The following LRRC75B variants were observed in gnomAD, a reference collection of about 807,000 sequenced individuals.
LRRC75B encodes the protein leucine-rich repeat-containing protein 75B.
Under a neutral mutation model 16.5 loss-of-function variants are expected in LRRC75B, and 20 were observed. That is an observed-to-expected ratio of 1.21 (90% CI 0.85 to 1.76). LRRC75B has a LOEUF of 1.76. Among genes scored for constraint, LRRC75B ranks in the 40% most tolerant of loss-of-function variants. The pLI is 0.00. For synonymous variants in LRRC75B, 199 were observed against 198.1 expected (o/e 1.00, Z -0.04); for missense variants, 406 against 417.0 (o/e 0.97, Z 0.23).
At chr22:24,592,317 G>A in intron 1 of LRRC75B, 2 of 470,166 alleles carry the variant, frequency 4.3e-6, no homozygotes, top group East Asian at 1.4e-4. Context: ...TTGGAGAACT[G>A]GTGATGCATG....
At chr22:24,592,414 C>T in intron 1 of LRRC75B, 1 of 470,700 alleles carries the variant, frequency 2.1e-6, no homozygotes, top group Admixed American at 2.4e-5. Context: ...GGTCCACTGT[C>T]TCCCGGATCC....
chr22:24,592,301 C>T (rs1021561237), intron 1 of LRRC75B: 17 of 468,850 alleles, frequency 3.6e-5, no homozygotes, highest in Admixed American at 7.1e-5. Context: ...GGGCATGAGC[C>T]GCCTGTTGGA....
chr22:24,590,307 T>A (rs1456091518), intron 1 of LRRC75B, among the ~76,000 whole-genome samples: 1 of 148,308 alleles, frequency 6.7e-6, no homozygotes, highest in South Asian at 2.1e-4. Context: ...AAAAAAAAAA[T>A]GTTTTGTAGA....
intron 2 of LRRC75B, chr22:24,589,061 A>G: frequency 9.7e-7 from 1 of 1,030,664 alleles, no homozygotes; most frequent in South Asian, 3.3e-5. Context: ...GCCGTGGGCT[A>G]GGCGCAGAGT....
chr22:24,586,637 T>TCC (rs2045403141), intron 3 of LRRC75B, among the ~76,000 whole-genome samples: 1 of 152,274 alleles, frequency 6.6e-6, no homozygotes, highest in Non-Finnish European at 1.5e-5. Flanking sequence ...ATTCAAGCGA[T>TCC]TCTCCTGCTT....
At chr22:24,588,497 G>C in intron 2 of LRRC75B, 168 bp from the exon 3 acceptor site, 1 of 754,000 alleles carries the variant, frequency 1.3e-6, no homozygotes, top group South Asian at 1.7e-5. Context: ...ACCCGGCTGT[G>C]GCCTGGCACA....
chr22:24,586,506 A>G (rs2045397917), intron 3 of LRRC75B, 95 bp from the exon 4 acceptor site: 1 of 1,264,808 alleles, frequency 7.9e-7, no homozygotes. Flanking sequence ...CCAGGCCTAC[A>G]GTCTGGCAAA....
chr22:24,591,442 T>C (rs2147170938), intron 1 of LRRC75B, among the ~76,000 whole-genome samples: 1 of 152,334 alleles, frequency 6.6e-6, no homozygotes, highest in South Asian at 2.1e-4. Context: ...GAGGGGCCTC[T>C]AGACCCCATG....
chr22:24,587,748 A>G (rs2045440610), intron 3 of LRRC75B, among the ~76,000 whole-genome samples: 1 of 152,222 alleles, frequency 6.6e-6, no homozygotes, highest in African/African-American at 2.4e-5. Context: ...AGAATTCCCA[A>G]CAAGGTACAG....
intron 3 of LRRC75B, among the ~76,000 whole-genome samples, chr22:24,586,942 G>A (rs2045413064): frequency 6.6e-6 from 1 of 152,240 alleles, no homozygotes; most frequent in African/African-American, 2.4e-5. Context: ...CACACAGTAA[G>A]GCTCTTTCTT....
chr22:24,586,055 A>G lies in LRRC75B; in HGVS notation c.779T>C (p.Leu260Pro). Residue 260 changes from leucine (L) to proline (P), a missense_variant, in exon 4 of 4, where the codon CTG becomes CCG. Leu to Pro is a moderately conservative substitution (Grantham distance 98). Coordinates refer to ENST00000318753, the MANE Select transcript of LRRC75B (RefSeq NM_207644.3). The stretch of plus-strand genomic sequence containing the variant: ...GCTCAGCCGCCGGCGCAGGCCGACC[A>G]GCAGGGGCTGGGGCAGGGAAGCCAC... ...VDVASLPQPL[L>P]VGLRRRLSQR... 1 of 1,611,930 alleles carries G rather than the reference A, an allele frequency of 6.2e-7. No homozygotes were observed. Among genetic ancestry groups the G allele is most frequent in the Non-Finnish European group, 8.5e-7 (1 of 1,179,926 alleles).
chr22:24,586,467 A>G (rs2045397080), intron 3 of LRRC75B, 56 bp from the exon 4 acceptor site: 2 of 1,539,666 alleles, frequency 1.3e-6, no homozygotes, highest in African/African-American at 1.4e-5. Flanking sequence ...CCCCCCACTG[A>G]CCACAGACAG....
intron 2 of LRRC75B, chr22:24,588,704 C>T (rs2045478095): frequency 3.7e-6 from 4 of 1,084,082 alleles, no homozygotes; most frequent in Non-Finnish European, 3.4e-6. Context: ...CCAGACCAGG[C>T]CCCTCGAGGG....
intron 3 of LRRC75B, among the ~76,000 whole-genome samples, chr22:24,587,312 G>A (rs1288906117): frequency 6.6e-6 from 1 of 152,188 alleles, no homozygotes; most frequent in East Asian, 1.9e-4. Context: ...TTCTCAGTTA[G>A]AAGGGAAGTT....
In LRRC75B at chr22:24,592,452, A is replaced by T. The variant is rs552249360; in HGVS notation, c.177+411T>A. 3 of 469,282 alleles carry T rather than the reference A, an allele frequency of 6.4e-6. No homozygotes were observed. The East Asian group carries it at 2.1e-4, about 33-fold the overall frequency. 29.1% of individuals were successfully genotyped at this position (469,282 alleles called of 1,614,324 possible). On this transcript the variant is annotated intron_variant, in intron 1 of 3. Transcript: ENST00000318753. ...GAGGAGGGGGAAGTTACCCTCTTCCATTGTCTCTCAATACAAGATGATTTG... is the reference window on the plus strand; with the variant it reads ...GAGGAGGGGGAAGTTACCCTCTTCCTTTGTCTCTCAATACAAGATGATTTG...
chr22:24,592,187 C>T (rs1275233784), intron 1 of LRRC75B: 1 of 416,516 alleles, frequency 2.4e-6, no homozygotes, highest in African/African-American at 2.0e-5. Context: ...CCTGGGACAA[C>T]CCAGGGGTTG....
intron 2 of LRRC75B, chr22:24,588,993 C>T (rs1000232388): frequency 2.4e-5 from 24 of 1,011,324 alleles, no homozygotes; most frequent in Admixed American, 5.8e-5. Context: ...CCTCTGTGAG[C>T]AGCCCCAGGA....
At position 24,589,881 on chromosome 22, in the gene LRRC75B, G is replaced by A. The variant is rs566206387; in HGVS notation, c.246C>T (p.Val82=). Residue 82 remains valine (V), a synonymous_variant, in exon 2 of 4, where the codon GTC becomes GTT. Coordinates refer to ENST00000318753, the MANE Select transcript of LRRC75B (RefSeq NM_207644.3). Reference sequence around the variant, plus strand: ...CAAGCAGGTCATGGGAGATGGGGTCGACCGGGTTGAGGAAGGCCACATCTC... The same window carrying A: ...CAAGCAGGTCATGGGAGATGGGGTCAACCGGGTTGAGGAAGGCCACATCTC... ...LYRDVAFLNP[V]DPISHDLLVN... 2.2e-5 allele frequency: 35 copies of A among 1,613,812 alleles called. No homozygotes were observed. In the South Asian group the frequency reaches 3.0e-4, roughly 14 times the overall value.
At chr22:24,591,833 C>T (rs141022485) in intron 1 of LRRC75B, among the ~76,000 whole-genome samples, 1,626 of 152,330 alleles carry the variant, frequency 0.011, 26 homozygotes, top group African/African-American at 0.037. Flanking sequence ...GGCCCCAGAC[C>T]GCAACCTGCC....
Sources: gnomAD v4.1 joint callset for allele counts (sites outside exome capture counted in the v4.1 genomes callset) on GRCh38, gnomAD v4.1.1 for gene constraint, MANE v1.5 for transcripts, NCBI Gene and HGNC (gene_info 2026-07-23, HGNC 2026-07-21) for gene names.